Variants in SPICE1 observed in about 807,000 individuals in gnomAD.
SPICE1 encodes spindle and centriole-associated protein 1.
Under a neutral mutation model 102.7 loss-of-function variants are expected in SPICE1, and 75 were observed. The ratio of observed to expected loss-of-function variants is 0.73; its 90% CI spans 0.61 to 0.88. The LOEUF is 0.88. Among genes scored for constraint, SPICE1 ranks in the 40% least tolerant of loss-of-function variants. The pLI is 0.00. For missense variants in SPICE1, 979 were observed against 1,020.1 expected (o/e 0.96, Z 0.55); for synonymous variants, 308 against 350.3 (o/e 0.88, Z 1.35).
rs963163349 is a variant in SPICE1, at chr3:113,459,680, G to A, written c.1435+937C>T. ...AGGCGGATCATGAAGTCAGGAGTTC[G>A]AGACCAGGCTGGCCAACATGGTGAA... On this transcript the variant is annotated intron_variant, in intron 12 of 17. Coordinates refer to ENST00000295872, the MANE Select transcript of SPICE1 (RefSeq NM_144718.4). The A allele has an allele frequency of 3.7e-5, 31 of 848,154 alleles. No homozygotes were observed. In the Admixed American group the frequency reaches 4.3e-4, roughly 12 times the overall value. 52.5% of individuals were successfully genotyped at this position (848,154 alleles called of 1,614,324 possible). A position where few individuals can be genotyped will look rare whatever the true frequency, so the allele number is the denominator to read the frequency against.
chr3:113,505,846 C>T (rs149254474), intron 2 of SPICE1, among the ~76,000 whole-genome samples: 82 of 152,122 alleles, frequency 5.4e-4, no homozygotes, highest in Non-Finnish European at 9.3e-4. Flanking sequence ...TTTAAGGCTG[C>T]AGTGAGCTAT....
At chr3:113,445,514 C>G (rs78208740) in intron 17 of SPICE1, among the ~76,000 whole-genome samples, 154 bp from the exon 18 acceptor site, 1 of 152,148 alleles carries the variant, frequency 6.6e-6, no homozygotes. Flanking sequence ...AATGTTAATT[C>G]TCTAACAGAG....
Position 113,468,261 on chromosome 3 carries a change from T to A in SPICE1, c.1033A>T (p.Met345Leu), listed in dbSNP as rs1936109155. ...CCTGTCCACCGCTCATATTCTTCCA[T>A]TTCATGTTCCACTTCATGTATCATG... The part of the protein sequence containing the change: ...KHMIHEVEHE[M>L]EEYERWTGRE... Residue 345 changes from methionine to leucine, a missense_variant, in exon 10 of 18, where the codon ATG (methionine) becomes TTG (leucine). Transcript: ENST00000295872. 6.2e-7 allele frequency: 1 copy of A among 1,614,052 alleles called. No homozygotes were observed. The highest frequency in any genetic ancestry group is 8.5e-7 in the Non-Finnish European group (1 of 1,180,046).
chr3:113,461,180 T>C (rs1160416823), intron 11 of SPICE1, among the ~76,000 whole-genome samples: 1 of 151,926 alleles, frequency 6.6e-6, no homozygotes, highest in Non-Finnish European at 1.5e-5. Context: ...GCATTTAAAC[T>C]GGTAAACATG....
chr3:113,509,365 G>T (rs1355034789), intron 1 of SPICE1, among the ~76,000 whole-genome samples: 1 of 152,092 alleles, frequency 6.6e-6, no homozygotes, highest in Non-Finnish European at 1.5e-5. Flanking sequence ...GTCATAAAAT[G>T]TCAGTATACC....
At chr3:113,445,943 T>C (rs1935502382) in intron 17 of SPICE1, among the ~76,000 whole-genome samples, 1 of 152,162 alleles carries the variant, frequency 6.6e-6, no homozygotes, top group Admixed American at 6.5e-5. Flanking sequence ...AATTAACTTT[T>C]ACAATTTTAA....
chr3:113,478,017 G>GT (rs1280390838), intron 7 of SPICE1, among the ~76,000 whole-genome samples: 2 of 150,060 alleles, frequency 1.3e-5, no homozygotes, highest in Non-Finnish European at 3.0e-5. Context: ...ACAATGACAT[G>GT]TAAAAAAAAG....
chr3:113,484,612 T>C (rs1462603652), intron 7 of SPICE1, among the ~76,000 whole-genome samples: 2 of 152,198 alleles, frequency 1.3e-5, no homozygotes, highest in Non-Finnish European at 2.9e-5. Flanking sequence ...AACATCTTTA[T>C]TTCTGCCTTC....
chr3:113,504,672 G>C (rs1937074924), intron 2 of SPICE1, among the ~76,000 whole-genome samples: 1 of 151,864 alleles, frequency 6.6e-6, no homozygotes, highest in Non-Finnish European at 1.5e-5. Flanking sequence ...AAAAACTCAG[G>C]CATACAAGTA....
chr3:113,477,099 A>G (rs1271442162), intron 7 of SPICE1, among the ~76,000 whole-genome samples: 2 of 152,078 alleles, frequency 1.3e-5, no homozygotes, highest in Non-Finnish European at 2.9e-5. Flanking sequence ...AAAAAAACAA[A>G]CAACCCCATC....
At position 113,445,122 on chromosome 3, in the gene SPICE1, T is replaced by C. The variant is rs1935483089; in HGVS notation, c.*185A>G. 2 of 459,942 alleles carry C rather than the reference T, an allele frequency of 4.3e-6. No individual in the cohort carries two copies. The highest frequency in any genetic ancestry group is 9.5e-5 in the South Asian group (2 of 21,150). 28.5% of individuals were successfully genotyped at this position (459,942 alleles called of 1,614,324 possible). On this transcript the variant is annotated 3_prime_UTR_variant, in exon 18 of 18. Coordinates refer to ENST00000295872, the MANE Select transcript of SPICE1 (RefSeq NM_144718.4). ...TCATTCACAGGGAGCTGTAGGTCAGTTGGTTGTTGAAAACTTATTTGAGAA... is the reference window on the plus strand; with the variant it reads ...TCATTCACAGGGAGCTGTAGGTCAGCTGGTTGTTGAAAACTTATTTGAGAA...
intron 7 of SPICE1, among the ~76,000 whole-genome samples, chr3:113,484,907 C>A (rs1398741787): frequency 6.6e-6 from 1 of 152,078 alleles, no homozygotes; most frequent in African/African-American, 2.4e-5. Flanking sequence ...GAGTTCAAGT[C>A]CTGAATATCC....
Position 113,499,339 on chromosome 3 carries a change from G to T in SPICE1, c.291+100C>A. On this transcript the variant is annotated intron_variant, in intron 4 of 17. Coordinates refer to ENST00000295872, the MANE Select transcript of SPICE1 (RefSeq NM_144718.4). ...GTAGATTATTGAATAAGAATGCAGT[G>T]ATTACTAGAGTCTCTCCAACGTGAA... 4 of 1,274,880 alleles carry T rather than the reference G, an allele frequency of 3.1e-6. No individual in the cohort carries two copies. In the South Asian group the frequency reaches 6.4e-5, roughly 20 times the overall value. The allele number at this position is 1,274,880 out of a possible 1,614,324, so 79.0% of individuals were successfully genotyped here.
In SPICE1 at chr3:113,448,106, T is replaced by C. The variant is rs1483908313; in HGVS notation, c.2358A>G (p.Pro786=). Residue 786 remains proline, a synonymous_variant, in exon 16 of 18, where the codon CCA becomes CCG. Coordinates refer to ENST00000295872, the MANE Select transcript of SPICE1 (RefSeq NM_144718.4). ...TTGAGCTTTCTGGGGCTTCTGCTCC[T>C]GGAATAGATACCTCAATTGTCCTCT... is the stretch of plus-strand genomic sequence containing the variant. ...GAKRTIEVSI[P]GAEAPESSKC... 6.2e-7 allele frequency: 1 copy of C among 1,611,588 alleles called. No individual in the cohort carries two copies. The highest frequency in any genetic ancestry group is 8.5e-7 in the Non-Finnish European group (1 of 1,178,830).
rs112484703 is a variant in SPICE1, at chr3:113,504,408, T to G, written c.100-1181A>C. Reference sequence around the variant, plus strand: ...GCTCAAGGCTTTTCTGTATGAAAACTGTTATTACTTTTACAATGATTTAGA... The same window carrying G: ...GCTCAAGGCTTTTCTGTATGAAAACGGTTATTACTTTTACAATGATTTAGA... On this transcript the variant is annotated intron_variant, in intron 2 of 17. Transcript: ENST00000295872. Among the ~76,000 whole-genome samples, 1,108 of 152,086 alleles carry G rather than the reference T, an allele frequency of 7.3e-3. 18 individuals carry two copies. Among genetic ancestry groups the G allele is most frequent in the African/African-American group, 0.025 (1,046 of 41,468 alleles).
chr3:113,457,106 A>G, intron 13 of SPICE1, 30 bp downstream of exon 13: 1 of 1,596,372 alleles, frequency 6.3e-7, no homozygotes. Context: ...TTAAAAAACA[A>G]CTTTCATGTA....
In SPICE1 at chr3:113,460,504, A is replaced by G. The variant is rs1003482808; in HGVS notation, c.1435+113T>C. ...GCAACTGTAGTAGTGACAATACTGT[A>G]CATGCATAAACAGTCAATAAGTCTA... On this transcript the variant is annotated intron_variant, in intron 12 of 17. Transcript: ENST00000295872. 19 of 1,465,260 alleles carry G rather than the reference A, an allele frequency of 1.3e-5. No homozygotes were observed. The Middle Eastern group carries it at 6.1e-4, about 47-fold the overall frequency. The allele number at this position is 1,465,260 out of a possible 1,614,324, so 90.8% of individuals were successfully genotyped here. A position where few individuals can be genotyped will look rare whatever the true frequency, so the allele number is the denominator to read the frequency against.
At chr3:113,496,552 T>C (rs1936894916) in intron 4 of SPICE1, among the ~76,000 whole-genome samples, 1 of 152,230 alleles carries the variant, frequency 6.6e-6, no homozygotes, top group South Asian at 2.1e-4. Context: ...AAGATCTTTT[T>C]GAAAGCCTCT....
chr3:113,460,357 A>G (rs542561108), intron 12 of SPICE1: 4 of 900,444 alleles, frequency 4.4e-6, no homozygotes, highest in Middle Eastern at 5.6e-4. Flanking sequence ...GGATAACACC[A>G]ATGGGGATAA....
Sources: allele counts gnomAD v4.1 joint callset (sites outside exome capture counted in the v4.1 genomes callset), GRCh38; gene constraint gnomAD v4.1.1; transcripts MANE v1.5; gene names NCBI Gene and HGNC (gene_info 2026-07-23, HGNC 2026-07-21).